Variants in SGCZ observed in about 807,000 individuals in gnomAD.
SGCZ encodes zeta-sarcoglycan.
In SGCZ, 40 loss-of-function variants were observed where a neutral mutation model predicts 41.3. The observed-to-expected ratio is 0.97, with a 90% CI of 0.75 to 1.26. SGCZ has a LOEUF of 1.26. Among genes scored for constraint, SGCZ ranks in the 50% most tolerant of loss-of-function variants. The pLI, the probability that SGCZ is intolerant of heterozygous loss-of-function variation, is 0.00. For missense variants in SGCZ, 552 were observed against 369.8 expected, an observed-to-expected ratio of 1.49 and a Z score of -4.04; for synonymous variants, 206 against 137.5, an observed-to-expected ratio of 1.50 and a Z score of -3.49.
intron 1 of SGCZ, among the ~76,000 whole-genome samples, chr8:15,123,435 T>G (rs1807561521): frequency 6.6e-6 from 1 of 152,180 alleles, no homozygotes; most frequent in Non-Finnish European, 1.5e-5. Context: ...GCTCAGTAAT[T>G]TTTTGGTTTA....
At chr8:14,231,991 T>A (rs886409584) in intron 4 of SGCZ, among the ~76,000 whole-genome samples, 5 of 152,012 alleles carry the variant, frequency 3.3e-5, no homozygotes, top group Admixed American at 6.6e-5. Flanking sequence ...TAAACTTACA[T>A]AGTTTTAAAA....
intron 1 of SGCZ, among the ~76,000 whole-genome samples, chr8:14,667,640 T>C (rs1028990090): frequency 6.6e-6 from 1 of 152,162 alleles, no homozygotes; most frequent in African/African-American, 2.4e-5. Context: ...CAAAGATACT[T>C]AAAAATCTAA....
intron 2 of SGCZ, among the ~76,000 whole-genome samples, chr8:14,452,250 T>C (rs1280533896): frequency 6.6e-6 from 1 of 152,032 alleles, no homozygotes; most frequent in Non-Finnish European, 1.5e-5. Flanking sequence ...TATGACATTC[T>C]GGGAAAAGCA....
chr8:15,055,701 G>T (rs1385421617), intron 1 of SGCZ, among the ~76,000 whole-genome samples: 2 of 152,286 alleles, frequency 1.3e-5, no homozygotes, highest in South Asian at 4.1e-4. Context: ...AGAATTACCA[G>T]GGAGACCTTG....
chr8:14,579,857 A>G (rs1804829510), intron 1 of SGCZ, among the ~76,000 whole-genome samples: 1 of 152,188 alleles, frequency 6.6e-6, no homozygotes, highest in Admixed American at 6.5e-5. Flanking sequence ...CATTTAGATA[A>G]AGAGACTGAA....
intron 1 of SGCZ, among the ~76,000 whole-genome samples, chr8:14,974,646 G>T (rs554049358): frequency 3.9e-5 from 6 of 152,072 alleles, no homozygotes; most frequent in Non-Finnish European, 7.4e-5. Flanking sequence ...ATGTTCCAAG[G>T]TGTAAACAAA....
intron 2 of SGCZ, among the ~76,000 whole-genome samples, chr8:14,549,231 A>T (rs2614934): frequency 0.29 from 43,535 of 151,892 alleles, 7,265 homozygotes; most frequent in African/African-American, 0.46. Flanking sequence ...GAGCTAGTAA[A>T]TGGAGATTCA....
intron 2 of SGCZ, among the ~76,000 whole-genome samples, chr8:14,522,302 T>C (rs917364835): frequency 6.6e-6 from 1 of 152,044 alleles, no homozygotes; most frequent in Non-Finnish European, 1.5e-5. Flanking sequence ...TTTCTGGAAG[T>C]GATTATGTGG....
chr8:15,148,148 T>G (rs1485281468), intron 1 of SGCZ, among the ~76,000 whole-genome samples: 2 of 152,250 alleles, frequency 1.3e-5, no homozygotes. Context: ...TCTACTTAGC[T>G]AATTTCTTTA....
chr8:15,120,237 C>T (rs1367210063), intron 1 of SGCZ, among the ~76,000 whole-genome samples: 3 of 152,164 alleles, frequency 2.0e-5, no homozygotes, highest in African/African-American at 7.2e-5. Context: ...TACAGTTTTG[C>T]TTGGGATTGT....
intron 1 of SGCZ, among the ~76,000 whole-genome samples, chr8:14,993,967 A>G (rs1378544258): frequency 6.6e-6 from 1 of 152,218 alleles, no homozygotes; most frequent in African/African-American, 2.4e-5. Context: ...GCAAGGTCAG[A>G]AGGAGAAAGA....
intron 5 of SGCZ, among the ~76,000 whole-genome samples, chr8:14,132,479 G>A (rs1585164005): frequency 6.6e-6 from 1 of 151,968 alleles, no homozygotes; most frequent in South Asian, 2.1e-4. Context: ...CTAATTTCTT[G>A]TATATCGTTA....
At chr8:14,921,558 T>G (rs558822945) in intron 1 of SGCZ, among the ~76,000 whole-genome samples, 17 of 151,360 alleles carry the variant, frequency 1.1e-4, no homozygotes, top group Admixed American at 2.6e-4. Flanking sequence ...AAAAAAGAAA[T>G]AAGCTACTCA....
At chr8:14,858,059 C>G (rs990571068) in intron 1 of SGCZ, among the ~76,000 whole-genome samples, 10 of 152,052 alleles carry the variant, frequency 6.6e-5, no homozygotes, top group African/African-American at 1.7e-4. Flanking sequence ...TTATTAGAGT[C>G]TCTGTTATAA....
At chr8:14,522,434 T>C (rs946210773) in intron 2 of SGCZ, among the ~76,000 whole-genome samples, 3 of 152,010 alleles carry the variant, frequency 2.0e-5, no homozygotes, top group Non-Finnish European at 2.9e-5. Flanking sequence ...TCTTCAAATA[T>C]GCTGTTTCAA....
At chr8:14,217,570 A>C in intron 4 of SGCZ, among the ~76,000 whole-genome samples, 1 of 138,792 alleles carries the variant, frequency 7.2e-6, no homozygotes, top group African/African-American at 2.4e-5. Flanking sequence ...CAAAAAAAGC[A>C]CATGATGATT....
chr8:14,855,126 C>G (rs1179447006), intron 1 of SGCZ, among the ~76,000 whole-genome samples: 1 of 151,934 alleles, frequency 6.6e-6, no homozygotes, highest in Non-Finnish European at 1.5e-5. Flanking sequence ...AATCTTGGCT[C>G]ACTGCAACCT....
chr8:14,909,887 A>G (rs140630816), intron 1 of SGCZ, among the ~76,000 whole-genome samples: 1 of 152,184 alleles, frequency 6.6e-6, no homozygotes, highest in Admixed American at 6.5e-5. Flanking sequence ...TATAGTGGAA[A>G]CTCATATTTT....
At chr8:14,330,032 C>CA (rs2117048550) in intron 2 of SGCZ, among the ~76,000 whole-genome samples, 1 of 152,162 alleles carries the variant, frequency 6.6e-6, no homozygotes, top group African/African-American at 2.4e-5. Flanking sequence ...TACCGTATTC[C>CA]AAAGAATTAC....
Sources: gnomAD v4.1 joint callset for allele counts (sites outside exome capture counted in the v4.1 genomes callset) on GRCh38, gnomAD v4.1.1 for gene constraint, MANE v1.5 for transcripts, NCBI Gene and HGNC (gene_info 2026-07-23, HGNC 2026-07-21) for gene names.